The following TENM2 variants were observed in gnomAD, a reference collection of about 807,000 sequenced individuals.
TENM2 encodes the protein teneurin transmembrane protein 2.
TENM2 carries 52 observed loss-of-function variants against 245.2 expected under a neutral mutation model. The observed-to-expected ratio is 0.21, with a 90% CI of 0.17 to 0.27. The LOEUF is 0.27. TENM2 is among the 10% of genes least tolerant of loss of function. The pLI is 1.00. For synonymous variants in TENM2, 1,363 were observed against 1,438.9 expected (o/e 0.95, Z 1.19); for missense variants, 3,046 against 3,666.8 (o/e 0.83, Z 4.37).
intron 5 of TENM2, among the ~76,000 whole-genome samples, chr5:168,021,775 C>CTT (rs10563117): frequency 3.5e-5 from 5 of 143,424 alleles, no homozygotes; most frequent in Admixed American, 6.9e-5. Context: ...TATTTGAAAT[C>CTT]TTTTTTTTTT....
At chr5:167,044,573 A>C in the TENM2 span, among the ~76,000 whole-genome samples, 85 of 152,286 alleles carry the variant, frequency 5.6e-4, 1 homozygote, top group Admixed American at 1.1e-3. Context: ...ATCTGAGATC[A>C]CATAGAGAGT....
At chr5:167,416,934 T>G (rs1446681202) in intron 2 of TENM2, among the ~76,000 whole-genome samples, 3 of 152,196 alleles carry the variant, frequency 2.0e-5, no homozygotes, top group Non-Finnish European at 4.4e-5. Context: ...TCAAATGATG[T>G]TTGATTACAT....
At chr5:168,038,261 T>C (rs1261865133) in intron 5 of TENM2, among the ~76,000 whole-genome samples, 1 of 152,210 alleles carries the variant, frequency 6.6e-6, no homozygotes, top group Non-Finnish European at 1.5e-5. Context: ...GAGTTAGCCA[T>C]GATCACCATT....
At chr5:167,047,133 A>G in the TENM2 span, among the ~76,000 whole-genome samples, 1 of 152,140 alleles carries the variant, frequency 6.6e-6, no homozygotes, top group Non-Finnish European at 1.5e-5. Context: ...CTTTATTACC[A>G]CTTGTTGTTT....
the TENM2 span, among the ~76,000 whole-genome samples, chr5:167,235,578 G>T: frequency 6.6e-6 from 1 of 152,092 alleles, no homozygotes; most frequent in Non-Finnish European, 1.5e-5. Context: ...ATTTTATCAG[G>T]TATTGATCGC....
At position 167,792,526 on chromosome 5, in the gene TENM2, C is replaced by T. The variant is rs141624753; in HGVS notation, c.503-83460C>T. ...TCACGTGTGGCTCCAGAGGGTTGCT[C>T]GAGACTTGAAGACAACGTGTTCTGT... is the stretch of plus-strand genomic sequence containing the variant. On this transcript the variant is annotated intron_variant, in intron 2 of 28. Coordinates refer to ENST00000518659, the Ensembl canonical transcript of TENM2. Among the ~76,000 whole-genome samples, 54 of 151,912 alleles carry T rather than the reference C, an allele frequency of 3.6e-4. 2 individuals carry two copies. Among genetic ancestry groups the T allele is most frequent in the African/African-American group, 1.1e-3 (47 of 41,428 alleles).
At chr5:167,663,743 A>G (rs1486715792) in intron 2 of TENM2, among the ~76,000 whole-genome samples, 1 of 152,092 alleles carries the variant, frequency 6.6e-6, no homozygotes, top group Admixed American at 6.5e-5. Flanking sequence ...CTTCAGTATT[A>G]TGGATAAATT....
chr5:167,960,021 G>A (rs567929224), intron 4 of TENM2, among the ~76,000 whole-genome samples: 44 of 152,312 alleles, frequency 2.9e-4, no homozygotes, highest in African/African-American at 7.2e-4. Context: ...TATCACCAGC[G>A]GAGGCTGCAG....
the TENM2 span, among the ~76,000 whole-genome samples, chr5:167,088,704 GA>G: frequency 6.6e-6 from 1 of 151,760 alleles, no homozygotes; most frequent in Non-Finnish European, 1.5e-5. Context: ...ACAGAAAACT[GA>G]AAAGTAGCTA....
At chr5:167,231,520 T>G in the TENM2 span, among the ~76,000 whole-genome samples, 2 of 152,108 alleles carry the variant, frequency 1.3e-5, no homozygotes, top group Admixed American at 1.3e-4. Flanking sequence ...AACTTTGAAT[T>G]TAAGAGAGAT....
intron 2 of TENM2, among the ~76,000 whole-genome samples, chr5:167,552,567 G>GCAGA (rs1278660880): frequency 6.6e-6 from 1 of 152,146 alleles, no homozygotes; most frequent in Non-Finnish European, 1.5e-5. Context: ...TTAGCATTGT[G>GCAGA]CAGACACCTA....
chr5:167,339,516 C>CT (rs965529205), intron 1 of TENM2, among the ~76,000 whole-genome samples: 142 of 147,790 alleles, frequency 9.6e-4, no homozygotes, highest in East Asian at 4.4e-3. Flanking sequence ...TTCATTTATT[C>CT]TTTTTTTTTT....
At chr5:167,758,501 C>T (rs974354138) in intron 2 of TENM2, among the ~76,000 whole-genome samples, 18 of 152,112 alleles carry the variant, frequency 1.2e-4, no homozygotes, top group Admixed American at 9.8e-4. Flanking sequence ...TACCAGCTTC[C>T]TCCTTGTCAT....
chr5:167,209,348 C>T, the TENM2 span, among the ~76,000 whole-genome samples: 1 of 151,690 alleles, frequency 6.6e-6, no homozygotes, highest in Admixed American at 6.6e-5. Context: ...ACTGCAACCT[C>T]CACCTCCCAG....
intron 5 of TENM2, among the ~76,000 whole-genome samples, chr5:168,004,643 A>G (rs2546951): frequency 0.42 from 63,231 of 151,932 alleles, 14,618 homozygotes; most frequent in African/African-American, 0.62. Flanking sequence ...ATCTGGACGG[A>G]TGGATTTGGT....
intron 2 of TENM2, among the ~76,000 whole-genome samples, chr5:167,616,364 T>A (rs994401242): frequency 6.6e-6 from 1 of 152,172 alleles, no homozygotes; most frequent in Non-Finnish European, 1.5e-5. Flanking sequence ...TATTGCACTT[T>A]GTTTATAGCA....
intron 7 of TENM2, among the ~76,000 whole-genome samples, chr5:168,072,112 C>T (rs188877834): frequency 6.6e-6 from 1 of 152,188 alleles, no homozygotes; most frequent in African/African-American, 2.4e-5. Flanking sequence ...ATTGGGCCCT[C>T]CTATTGATCT....
chr5:166,992,040 A>G, the TENM2 span, among the ~76,000 whole-genome samples: 1 of 145,048 alleles, frequency 6.9e-6, no homozygotes, highest in Non-Finnish European at 1.5e-5. Flanking sequence ...GGTGAAATAA[A>G]TATCTGTTTC....
chr5:167,511,174 A>G (rs768681398), intron 2 of TENM2, among the ~76,000 whole-genome samples: 10 of 152,204 alleles, frequency 6.6e-5, no homozygotes, highest in Non-Finnish European at 1.3e-4. Context: ...ACTCATCACA[A>G]TCTAGTAGAG....
Sources: allele counts gnomAD v4.1 joint callset (sites outside exome capture counted in the v4.1 genomes callset), GRCh38; gene constraint gnomAD v4.1.1; transcripts MANE v1.5; gene names NCBI Gene and HGNC (gene_info 2026-07-23, HGNC 2026-07-21).